Variants in PIEZO2 observed in about 807,000 individuals in gnomAD.
PIEZO2 encodes piezo type mechanosensitive ion channel component 2, also known as piezo-type mechanosensitive ion channel component 2.
A neutral mutation model predicts 337.3 loss-of-function variants in PIEZO2; 172 were observed. The ratio of observed to expected loss-of-function variants is 0.51; its 90% confidence interval spans 0.45 to 0.58. The LOEUF (loss-of-function observed/expected upper bound fraction) is 0.58, where lower values mean the gene tolerates loss of function less well. Among genes scored for constraint, PIEZO2 ranks in the 20% least tolerant of loss-of-function variants. The probability of loss-of-function intolerance (pLI) is 0.00; values close to 1 mark genes in which losing one functional copy is unlikely to be tolerated. For synonymous variants in PIEZO2, 1,251 were observed against 1,228.5 expected (o/e 1.02, Z -0.38); for missense variants, 3,028 against 3,391.3 (o/e 0.89, Z 2.66).
At chr18:11,147,160 G>A (rs2040830643) in intron 1 of PIEZO2, among the ~76,000 whole-genome samples, 1 of 152,156 alleles carries the variant, frequency 6.6e-6, no homozygotes, top group Non-Finnish European at 1.5e-5. Flanking sequence ...GGAGAGAGGT[G>A]CATATCCGCT....
intron 7 of PIEZO2, among the ~76,000 whole-genome samples, chr18:10,827,784 TTC>T: frequency 6.6e-6 from 1 of 152,314 alleles, no homozygotes; most frequent in East Asian, 1.9e-4. Flanking sequence ...TATTCCTCTC[TTC>T]TCTCTACCTG....
intron 2 of PIEZO2, among the ~76,000 whole-genome samples, chr18:11,023,950 C>T (rs985540668): frequency 6.6e-6 from 1 of 152,180 alleles, no homozygotes; most frequent in Non-Finnish European, 1.5e-5. Context: ...AGTGCGGGGC[C>T]GCCGAGCCCA....
At position 11,104,800 on chromosome 18, in the gene PIEZO2, C is replaced by A. The variant is rs1393872916; in HGVS notation, c.65-38578G>T. 6.6e-6 allele frequency among the ~76,000 whole-genome samples: 1 copy of A among 152,186 alleles called. No individual in the cohort carries two copies. Among genetic ancestry groups the A allele is most frequent in the Admixed American group, 6.5e-5 (1 of 15,286 alleles). On this transcript the variant is annotated intron_variant, in intron 1 of 55. Transcript: ENST00000674853. This position sits in a 1 kb window ranked among gnomAD's most constrained non-coding sequence, Gnocchi z 4.6. ...ATGCAGTATAACGGCGCCTGCTTCT[C>A]TTGGGGACCACTCTCCTCCATCATG...
intron 49 of PIEZO2, among the ~76,000 whole-genome samples, chr18:10,685,730 C>T (rs762939049): frequency 2.0e-5 from 3 of 152,210 alleles, no homozygotes; most frequent in Non-Finnish European, 4.4e-5. Flanking sequence ...TTCCTAAGCA[C>T]CGTGACCTGT....
Position 10,752,732 on chromosome 18 carries a change from G to C in PIEZO2, c.4071C>G (p.Gly1357=). ...TCTTGATGGGTTTCAACAGCAAATC[G>C]CCCCCAAAGAGCAGGAAGTAGAAAC... ...VACFYFLLFG[G]DLLLKPIKSI... is the part of the protein sequence containing the mutation. The change falls in exon 28 of 56, where the codon GGC becomes GGG. Residue 1357 remains glycine (G), a synonymous_variant. Coordinates refer to ENST00000674853, the MANE Select transcript of PIEZO2 (RefSeq NM_001378183.1). 1.3e-6 allele frequency: 2 copies of C among 1,537,152 alleles called. No homozygotes were observed. Among genetic ancestry groups the C allele is most frequent in the Non-Finnish European group, 1.7e-6 (2 of 1,146,892 alleles).
At position 10,872,282 on chromosome 18, in the gene PIEZO2, A is replaced by C. The variant is rs1407481541; in HGVS notation, c.330-867T>G. Among the ~76,000 whole-genome samples, 1 of 152,218 alleles carries C rather than the reference A, an allele frequency of 6.6e-6. No homozygotes were observed. Among genetic ancestry groups the C allele is most frequent in the East Asian group, 1.9e-4 (1 of 5,198 alleles). ...TTGTTATAATTGAGATCCTGAAACAAATATATTTAATAATATAGCAGGCAG... is the reference window on the plus strand; with the variant it reads ...TTGTTATAATTGAGATCCTGAAACACATATATTTAATAATATAGCAGGCAG... On this transcript the variant is annotated intron_variant, in intron 4 of 55. Transcript: ENST00000674853. This position sits in a 1 kb window ranked among gnomAD's most constrained non-coding sequence, Gnocchi z 4.3.
rs567608663 is a variant in PIEZO2, at chr18:10,813,499, A to G, written c.918-6225T>C. Among the ~76,000 whole-genome samples, 36 of 152,192 alleles carry G rather than the reference A, an allele frequency of 2.4e-4. No homozygotes were observed. In the South Asian group the frequency reaches 7.1e-3, roughly 30 times the overall value. ...GTACCTTATTTAGTGGAACCATCCA[A>G]TATTTGTCTTTTGTGACTGTCTTAT... On this transcript the variant is annotated intron_variant, in intron 7 of 55. Transcript: ENST00000674853. This position sits in a 1 kb window ranked among gnomAD's most constrained non-coding sequence, Gnocchi z 4.2.
intron 21 of PIEZO2, among the ~76,000 whole-genome samples, chr18:10,763,839 G>C (rs1215844605): frequency 6.6e-6 from 1 of 152,206 alleles, no homozygotes; most frequent in Non-Finnish European, 1.5e-5. Context: ...AGGGAAGATG[G>C]GGAGGAGGCG....
intron 2 of PIEZO2, among the ~76,000 whole-genome samples, chr18:11,061,035 G>T (rs570890680): frequency 6.6e-6 from 1 of 152,126 alleles, no homozygotes; most frequent in Non-Finnish European, 1.5e-5. Context: ...GAATCCAGCA[G>T]CACATAAAAA....
At chr18:10,801,715 C>T (rs1013641225) in intron 9 of PIEZO2, among the ~76,000 whole-genome samples, 1 of 151,930 alleles carries the variant, frequency 6.6e-6, no homozygotes, top group Non-Finnish European at 1.5e-5. Flanking sequence ...CAAGAATAAG[C>T]GCTTAGTTTT....
chr18:10,834,020 G>GT lies in PIEZO2; in HGVS notation c.917+21332dup, dbSNP rs2040929669. Among the ~76,000 whole-genome samples the GT allele has an allele frequency of 6.6e-6, 1 of 152,174 alleles. No homozygotes were observed. Among genetic ancestry groups the GT allele is most frequent in the Non-Finnish European group, 1.5e-5 (1 of 68,032 alleles). On this transcript the variant is annotated intron_variant, in intron 7 of 55. Transcript: ENST00000674853. The surrounding 1 kb of genome is among the most constrained non-coding windows in gnomAD (Gnocchi z 4.5). ...TTTTAAACATTTTAAGCTAATTTCT[G>GT]TTTTTATTTTTTATGGGTAAGTGTA... is the stretch of plus-strand genomic sequence containing the variant.
At position 11,031,165 on chromosome 18, in the gene PIEZO2, T is replaced by TG. The variant is rs2145762090; in HGVS notation, c.160+34961_160+34962insC. On this transcript the variant is annotated intron_variant, in intron 2 of 55. Transcript: ENST00000674853. This position sits in a 1 kb window ranked among gnomAD's most constrained non-coding sequence, Gnocchi z 4.7. ...CCACCATGCCTGGCTAATTTTTTTG[T>TG]ATTTTTTTTTTTTTTAGTGGAGATG... Among the ~76,000 whole-genome samples, 1 of 141,562 alleles carries TG rather than the reference T, an allele frequency of 7.1e-6. No homozygotes were observed. Among genetic ancestry groups the TG allele is most frequent in the African/African-American group, 2.8e-5 (1 of 35,440 alleles). 92.9% of individuals were successfully genotyped at this position (141,562 alleles called of 152,430 possible).
chr18:11,055,077 GGC>G (rs2037673609), intron 2 of PIEZO2, among the ~76,000 whole-genome samples: 1 of 152,094 alleles, frequency 6.6e-6, no homozygotes, highest in Non-Finnish European at 1.5e-5. Flanking sequence ...TGGGCGCGGT[GGC>G]AGGCGCCTGT....
chr18:11,100,385 G>A (rs2039376610), intron 1 of PIEZO2, among the ~76,000 whole-genome samples: 2 of 152,092 alleles, frequency 1.3e-5, no homozygotes, highest in African/African-American at 4.8e-5. Flanking sequence ...AAATATTCAT[G>A]TATTAGAGTT....
chr18:10,819,768 A>G lies in PIEZO2; in HGVS notation c.918-12494T>C, dbSNP rs1162511400. Among the ~76,000 whole-genome samples, 1 of 152,192 alleles carries G rather than the reference A, an allele frequency of 6.6e-6. No homozygotes were observed. Among genetic ancestry groups the G allele is most frequent in the East Asian group, 1.9e-4 (1 of 5,198 alleles). ...GAAAAAAGGTGAATCTCATTTCAAG[A>G]GCTTGTAATTTGTAGAGCTAAGCTT... On this transcript the variant is annotated intron_variant, in intron 7 of 55. Coordinates refer to ENST00000674853, the MANE Select transcript of PIEZO2 (RefSeq NM_001378183.1). This position sits in a 1 kb window ranked among gnomAD's most constrained non-coding sequence, Gnocchi z 4.3.
chr18:10,990,676 GTATAT>G (rs2035054508), intron 2 of PIEZO2, among the ~76,000 whole-genome samples: 1 of 150,940 alleles, frequency 6.6e-6, no homozygotes, highest in African/African-American at 2.4e-5. Context: ...CTCAATATAT[GTATAT>G]TATATAATTT....
At chr18:10,737,445 G>A (rs2037054062) in intron 33 of PIEZO2, among the ~76,000 whole-genome samples, 1 of 152,192 alleles carries the variant, frequency 6.6e-6, no homozygotes, top group Non-Finnish European at 1.5e-5. Context: ...CCCTAAGACA[G>A]ACTGAGAATG....
intron 27 of PIEZO2, among the ~76,000 whole-genome samples, chr18:10,757,395 T>G (rs2037916516): frequency 7.3e-6 from 1 of 137,360 alleles, no homozygotes; most frequent in Admixed American, 7.7e-5. Context: ...AGATGGGGGA[T>G]GAGAATAAGT....
Position 10,726,438 on chromosome 18 carries a change from G to A in PIEZO2, c.5029+4969C>T. 2.0e-6 allele frequency: 3 copies of A among 1,530,008 alleles called. No homozygotes were observed. Among genetic ancestry groups the A allele is most frequent in the East Asian group, 2.5e-5 (1 of 40,758 alleles). The allele number at this position is 1,530,008 out of a possible 1,614,324, so 94.8% of individuals were successfully genotyped here. On this transcript the variant is annotated intron_variant, in intron 36 of 55. Coordinates refer to ENST00000674853, the MANE Select transcript of PIEZO2 (RefSeq NM_001378183.1). This position sits in a 1 kb window ranked among gnomAD's most constrained non-coding sequence, Gnocchi z 5.9. The stretch of plus-strand genomic sequence containing the variant: ...CAACGCGGAGGGCCGGCTGCGGTAC[G>A]GGCTACGGCCGGCGAACCCCACGAG...
Sources: gnomAD v4.1 joint callset for allele counts (sites outside exome capture counted in the v4.1 genomes callset) on GRCh38, gnomAD v4.1.1 for gene constraint, Gnocchi (gnomAD v3.1) non-coding constraint, MANE v1.5 for transcripts, NCBI Gene and HGNC (gene_info 2026-07-23, HGNC 2026-07-21) for gene names.